The following POLA1 variants were observed in gnomAD, a reference collection of about 807,000 sequenced individuals.
POLA1 encodes DNA polymerase alpha 1, catalytic subunit.
A neutral mutation model predicts 124.0 loss-of-function variants in POLA1; 15 were observed. The ratio of observed to expected loss-of-function variants is 0.12; its 90% confidence interval spans 0.08 to 0.19. POLA1 has a LOEUF of 0.19. POLA1 is among the 10% of genes least tolerant of loss of function. The probability of loss-of-function intolerance (pLI) is 1.00; values close to 1 mark genes in which losing one functional copy is unlikely to be tolerated. For missense variants in POLA1, 886 were observed against 1,103.4 expected, an observed-to-expected ratio of 0.80 and a Z score of 2.79; for synonymous variants, 408 against 389.4, an observed-to-expected ratio of 1.05 and a Z score of -0.56.
chrX:24,988,686 G>A (rs978086960), intron 36 of POLA1, among the ~76,000 whole-genome samples: 4 of 112,074 alleles, frequency 3.6e-5, no homozygotes, highest in Middle Eastern at 4.2e-3. Context: ...TTAGAAATGC[G>A]GCTGGGCACA....
chrX:24,951,688 ATATTAGT>A (rs1340037507), intron 36 of POLA1, among the ~76,000 whole-genome samples: 1 of 111,422 alleles, frequency 9.0e-6, no homozygotes, highest in Admixed American at 9.6e-5. Flanking sequence ...ACATCTTAAA[ATATTAGT>A]TATTATGTAA....
At chrX:24,851,112 C>T (rs1028667080) in intron 34 of POLA1, among the ~76,000 whole-genome samples, 2 of 112,279 alleles carry the variant, frequency 1.8e-5, no homozygotes, top group Non-Finnish European at 3.8e-5. Context: ...TGAATAGAGT[C>T]TCAAAGTCAG....
chrX:24,772,825 T>C (rs1313497659), intron 26 of POLA1, among the ~76,000 whole-genome samples: 1 of 111,842 alleles, frequency 8.9e-6, no homozygotes, highest in African/African-American at 3.3e-5. Flanking sequence ...GCAGTCCCAT[T>C]ACTGGATATA....
rs2148404922 is a variant in POLA1, at chrX:24,748,320, C to A, written c.2701C>A (p.Gln901Lys). 1 of 1,191,208 alleles carries A rather than the reference C, an allele frequency of 8.4e-7. No individual in the cohort carries two copies. Among genetic ancestry groups the A allele is most frequent in the East Asian group, 3.0e-5 (1 of 33,623 alleles). ...GTTGTGTGTTTATCAGGATGGAGAA[C>A]AAGAACAGATCCCTGAGTTGCCAGA... ...EAQKVTEDGE[Q>K]EQIPELPDPS... Residue 901 changes from glutamine (Q) to lysine (K), a missense_variant, in exon 25 of 37, where the codon CAA becomes AAA. By Grantham distance (53) the Gln-to-Lys change is moderately conservative. Around this residue, in one of 7 missense-constraint regions of POLA1, gnomAD observed 182 missense variants for 252.8 expected, o/e 0.72. Coordinates refer to ENST00000379068, the MANE Select transcript of POLA1 (RefSeq NM_001330360.2).
At chrX:24,787,203 C>G (rs1450634446) in intron 26 of POLA1, among the ~76,000 whole-genome samples, 2 of 111,437 alleles carry the variant, frequency 1.8e-5, no homozygotes, top group Non-Finnish European at 3.8e-5. Context: ...TAATTGCTTT[C>G]TTTTTAGTTT....
intron 24 of POLA1, among the ~76,000 whole-genome samples, chrX:24,747,765 C>T (rs1214033765): frequency 3.2e-5 from 3 of 92,965 alleles, no homozygotes; most frequent in Non-Finnish European, 6.2e-5. Flanking sequence ...GACAGAGTTT[C>T]GCTGTGTAGC....
chrX:24,836,335 C>T (rs1051562591), intron 32 of POLA1, among the ~76,000 whole-genome samples: 1 of 111,924 alleles, frequency 8.9e-6, no homozygotes, highest in Admixed American at 9.5e-5. Flanking sequence ...AGTTGTTGTA[C>T]AGGTCCTCTG....
At chrX:24,955,380 A>G (rs1195588072) in intron 36 of POLA1, among the ~76,000 whole-genome samples, 2 of 104,940 alleles carry the variant, frequency 1.9e-5, no homozygotes, top group Non-Finnish European at 3.9e-5. Flanking sequence ...GGGTCTTGCC[A>G]TGTTTCCCAG....
In POLA1 at chrX:24,736,321, C is replaced by T. The variant is rs908443077; in HGVS notation, c.1923+833C>T. On this transcript the variant is annotated intron_variant, in intron 18 of 36. Coordinates refer to ENST00000379068, the MANE Select transcript of POLA1 (RefSeq NM_001330360.2). ...GTGGATAGGAAGCGATATCTCTGCA[C>T]CCACTTCCCTTATGATATTTCAAGA... Among the ~76,000 whole-genome samples the T allele has an allele frequency of 7.2e-5, 8 of 111,790 alleles. No homozygotes were observed. The Admixed American group carries it at 7.6e-4, about 11-fold the overall frequency.
Position 24,726,742 on chromosome X carries a change from TTGTGAATTGGTTTTGTTTCCTAC to T in POLA1, c.1393-181_1393-159del, listed in dbSNP as rs1382376350. 4.5e-5 allele frequency among the ~76,000 whole-genome samples: 5 copies of T among 111,629 alleles called. No individual in the cohort carries two copies. In the Admixed American group the frequency reaches 4.8e-4, roughly 11 times the overall value. On this transcript the variant is annotated intron_variant, in intron 13 of 36. Transcript: ENST00000379068. ...GTCATCAAGATGCATTATTTTGTCA[TTGTGAATTGGTTTTGTTTCCTAC>T]TGTGAATTGTTTTGGATTTCATTTG...
intron 36 of POLA1, among the ~76,000 whole-genome samples, chrX:24,972,073 A>G (rs991081051): frequency 1.8e-4 from 20 of 110,016 alleles, no homozygotes; most frequent in African/African-American, 6.6e-4. Context: ...GGTTCAAGCG[A>G]TTCTCCTGCC....
intron 36 of POLA1, among the ~76,000 whole-genome samples, chrX:24,937,268 G>A (rs1459908222): frequency 2.7e-5 from 3 of 111,379 alleles, no homozygotes; most frequent in Non-Finnish European, 5.7e-5. Context: ...AATCTTTAAT[G>A]ACATATATAA....
At position 24,910,923 on chromosome X, in the gene POLA1, A is replaced by G. The variant is rs754216543; in HGVS notation, c.4165-19530A>G. Among the ~76,000 whole-genome samples the G allele has an allele frequency of 4.5e-4, 51 of 112,439 alleles. 2 individuals are homozygous for G. The South Asian group carries it at 0.019, about 41-fold the overall frequency. On this transcript the variant is annotated intron_variant, in intron 35 of 36. Coordinates refer to ENST00000379068, the MANE Select transcript of POLA1 (RefSeq NM_001330360.2). The stretch of plus-strand genomic sequence containing the variant: ...AAACATGCTCTCCAACAATAACACC[A>G]TCCACATTCTTTTCAAGTGTACATG...
intron 1 of POLA1, among the ~76,000 whole-genome samples, chrX:24,697,576 G>GA (rs1415321135): frequency 2.7e-5 from 3 of 111,918 alleles, no homozygotes; most frequent in Non-Finnish European, 5.6e-5. Context: ...TAGAAAGCTA[G>GA]AAAAAAATAA....
intron 36 of POLA1, among the ~76,000 whole-genome samples, chrX:24,972,125 C>T (rs1286886883): frequency 1.8e-5 from 2 of 110,297 alleles, no homozygotes; most frequent in Non-Finnish European, 1.9e-5. Context: ...CCTGCCACCA[C>T]GCCCGGCTAA....
chrX:24,904,429 T>G (rs923890299), intron 35 of POLA1, among the ~76,000 whole-genome samples: 6 of 109,241 alleles, frequency 5.5e-5, no homozygotes, highest in Non-Finnish European at 9.5e-5. Flanking sequence ...TCTTTTGTTT[T>G]TTTTTTTTTT....
chrX:24,880,241 G>C lies in POLA1; in HGVS notation c.4048-7765G>C, dbSNP rs761850019. ...GGCAGAGTCTGGTCCTTGTACAAAT[G>C]ATAAGATCAATAAGTTTCAAATAAC... On this transcript the variant is annotated intron_variant, in intron 34 of 36. Transcript: ENST00000379068. 4.5e-5 allele frequency among the ~76,000 whole-genome samples: 5 copies of C among 111,711 alleles called. No individual in the cohort carries two copies. The South Asian group carries it at 1.9e-3, about 42-fold the overall frequency.
chrX:24,731,502 T>G (rs1174970336), intron 15 of POLA1, among the ~76,000 whole-genome samples: 6 of 112,313 alleles, frequency 5.3e-5, no homozygotes, highest in Non-Finnish European at 1.1e-4. Flanking sequence ...TGTATTGTGA[T>G]TATATTTTTC....
intron 34 of POLA1, among the ~76,000 whole-genome samples, chrX:24,880,313 T>G (rs2046986585): frequency 8.9e-6 from 1 of 112,297 alleles, no homozygotes; most frequent in Admixed American, 9.4e-5. Context: ...ATGTCTTACT[T>G]AAAAAATCAA....
Sources: allele counts gnomAD v4.1 joint callset (sites outside exome capture counted in the v4.1 genomes callset), GRCh38; gene constraint gnomAD v4.1.1; regional missense constraint gnomAD v4.1.1; transcripts MANE v1.5; gene names NCBI Gene and HGNC (gene_info 2026-07-23, HGNC 2026-07-21).